SRGAP2: variants seen among roughly 807,000 people sequenced by gnomAD.
SRGAP2 encodes the protein SLIT-ROBO Rho GTPase-activating protein 2.
Under a neutral mutation model 57.2 loss-of-function variants are expected in SRGAP2, and 15 were observed. The ratio of observed to expected loss-of-function variants is 0.26; its 90% confidence interval spans 0.18 to 0.40. The LOEUF (loss-of-function observed/expected upper bound fraction) is 0.40, where lower values mean the gene tolerates loss of function less well. Ranked by LOEUF, SRGAP2 falls within the 10% of genes least tolerant of loss-of-function variation. SRGAP2 has a pLI of 1.00. For synonymous variants in SRGAP2, 249 were observed against 248.0 expected (o/e 1.00, Z -0.04); for missense variants, 520 against 669.6 (o/e 0.78, Z 2.47).
intron 4 of SRGAP2, among the ~76,000 whole-genome samples, chr1:206,367,279 G>A (rs1428351189): frequency 1.3e-5 from 2 of 152,096 alleles, no homozygotes; most frequent in Non-Finnish European, 2.9e-5. Flanking sequence ...AAAATTTATG[G>A]CCTTTCTTCC....
chr1:206,442,305 C>G (rs1421303171), intron 17 of SRGAP2, among the ~76,000 whole-genome samples: 4 of 152,216 alleles, frequency 2.6e-5, no homozygotes, highest in African/African-American at 4.8e-5. Flanking sequence ...TTGAACACCC[C>G]AGTGAGTCAC....
intron 3 of SRGAP2, among the ~76,000 whole-genome samples, chr1:206,306,776 G>A (rs1455874867): frequency 6.6e-6 from 1 of 152,206 alleles, no homozygotes; most frequent in Non-Finnish European, 1.5e-5. Context: ...AGAGCAGCTA[G>A]ATACAGAGTG....
chr1:206,370,310 G>T (rs1654413883), intron 4 of SRGAP2, among the ~76,000 whole-genome samples: 1 of 152,078 alleles, frequency 6.6e-6, no homozygotes, highest in Non-Finnish European at 1.5e-5. Context: ...AAAAGTGGAA[G>T]CAACCCAAAT....
intron 2 of SRGAP2, among the ~76,000 whole-genome samples, chr1:206,286,392 T>A (rs1671026122): frequency 1.3e-5 from 2 of 152,218 alleles, no homozygotes; most frequent in South Asian, 4.2e-4. Flanking sequence ...TATAAAAAAT[T>A]CAAGCAAAAC....
At chr1:206,347,592 A>C (rs1400871661) in intron 4 of SRGAP2, among the ~76,000 whole-genome samples, 2 of 150,688 alleles carry the variant, frequency 1.3e-5, no homozygotes, top group Non-Finnish European at 2.9e-5. Context: ...AAAAGAAGAG[A>C]GAGAGAGATT....
intron 4 of SRGAP2, among the ~76,000 whole-genome samples, chr1:206,370,859 T>C (rs1406069233): frequency 4.6e-5 from 7 of 152,118 alleles, no homozygotes; most frequent in African/African-American, 1.7e-4. Context: ...GCTGAATAAA[T>C]AGTTAATGAA....
At position 206,321,508 on chromosome 1, in the gene SRGAP2, A is replaced by G. The variant is rs1270925205; in HGVS notation, c.260+18035A>G. Among the ~76,000 whole-genome samples the G allele has an allele frequency of 3.6e-5, 3 of 83,996 alleles. No individual in the cohort carries two copies. In the East Asian group the frequency reaches 8.6e-4, roughly 24 times the overall value. The allele number at this position is 83,996 out of a possible 152,430, so 55.1% of individuals were successfully genotyped here. ...ATACTCACTAGTTTTAGCATCCATT[A>G]TAATTTCTTGCTTGAATCACTTTCT... On this transcript the variant is annotated intron_variant, in intron 3 of 22. Transcript: ENST00000573034.
rs114788295 is a variant in SRGAP2, at chr1:206,450,052, A to G, written c.2100-334A>G. Among the ~76,000 whole-genome samples the G allele has an allele frequency of 9.5e-3, 1,451 of 152,184 alleles. 27 individuals are homozygous for G. The highest frequency in any genetic ancestry group is 0.033 in the African/African-American group (1,381 of 41,504). ...CTTCCACCCTGCTTCCCCTTTGAAA[A>G]CCAGGAATGAATTCACATAGAGAAT... is the stretch of plus-strand genomic sequence containing the variant. On this transcript the variant is annotated intron_variant, in intron 18 of 22. Transcript: ENST00000573034.
chr1:206,299,867 T>C (rs1443563491), intron 2 of SRGAP2, among the ~76,000 whole-genome samples: 4 of 151,542 alleles, frequency 2.6e-5, no homozygotes, highest in African/African-American at 9.7e-5. Flanking sequence ...CTTCTCCTTC[T>C]CCACCTCCTG....
chr1:206,344,057 G>A (rs1364305324), intron 4 of SRGAP2, among the ~76,000 whole-genome samples: 2 of 152,140 alleles, frequency 1.3e-5, no homozygotes, highest in African/African-American at 4.8e-5. Flanking sequence ...TGGTAAACAG[G>A]ATTGTAGTCG....
At chr1:206,437,369 G>A (rs548605899) in intron 15 of SRGAP2, among the ~76,000 whole-genome samples, 1 of 152,336 alleles carries the variant, frequency 6.6e-6, no homozygotes, top group African/African-American at 2.4e-5. Flanking sequence ...CAAGGCTAAT[G>A]CGCTTGTTCA....
intron 4 of SRGAP2, among the ~76,000 whole-genome samples, chr1:206,351,473 C>T (rs1334812333): frequency 6.6e-6 from 1 of 152,178 alleles, no homozygotes; most frequent in Non-Finnish European, 1.5e-5. Context: ...AGCGTTTGCA[C>T]AGTGCTTTAC....
chr1:206,270,418 G>A (rs1670122013), intron 2 of SRGAP2, among the ~76,000 whole-genome samples: 1 of 50,414 alleles, frequency 2.0e-5, no homozygotes, highest in African/African-American at 8.7e-5. Context: ...GTACAGAGTA[G>A]CAAGAAGTCT....
intron 4 of SRGAP2, among the ~76,000 whole-genome samples, chr1:206,373,315 C>CA: frequency 9.9e-6 from 1 of 101,198 alleles, no homozygotes; most frequent in African/African-American, 3.9e-5. Flanking sequence ...AGGCTGGTCT[C>CA]AAACTCCTGA....
chr1:206,446,647 C>T (rs1662782031), intron 18 of SRGAP2, among the ~76,000 whole-genome samples: 1 of 152,244 alleles, frequency 6.6e-6, no homozygotes, highest in Admixed American at 6.5e-5. Context: ...GGCTTCTACT[C>T]TGTGCTCTGT....
chr1:206,317,740 GAAAA>G (rs1460201352), intron 3 of SRGAP2, among the ~76,000 whole-genome samples: 1 of 136,522 alleles, frequency 7.3e-6, no homozygotes, highest in African/African-American at 3.3e-5. Flanking sequence ...TAGAGAGAAT[GAAAA>G]AAAAAGTAGG....
intron 21 of SRGAP2, among the ~76,000 whole-genome samples, chr1:206,456,497 G>A (rs782293551): frequency 3.3e-5 from 5 of 152,144 alleles, no homozygotes; most frequent in Non-Finnish European, 7.3e-5. Context: ...ACCAAGGCGG[G>A]GTTGGTGGAG....
chr1:206,443,171 T>C (rs1028688081), intron 17 of SRGAP2, among the ~76,000 whole-genome samples: 5 of 152,182 alleles, frequency 3.3e-5, no homozygotes, highest in African/African-American at 1.2e-4. Context: ...TGAACCTTTT[T>C]ATGAAGCACA....
intron 2 of SRGAP2, chr1:206,206,239 GC>G: frequency 1.9e-6 from 1 of 533,430 alleles, no homozygotes; most frequent in Non-Finnish European, 3.4e-6. Context: ...AGGAATTTTT[GC>G]AGTGGGCTGT....
Sources: allele counts gnomAD v4.1 joint callset (sites outside exome capture counted in the v4.1 genomes callset), GRCh38; gene constraint gnomAD v4.1.1; transcripts MANE v1.5; gene names NCBI Gene and HGNC (gene_info 2026-07-23, HGNC 2026-07-21).